The following USP12 variants were observed in gnomAD, a reference collection of about 807,000 sequenced individuals.
The protein encoded by USP12 is ubiquitin carboxyl-terminal hydrolase 12.
A neutral mutation model predicts 45.5 loss-of-function variants in USP12; 19 were observed. The ratio of observed to expected loss-of-function variants is 0.42; its 90% CI spans 0.29 to 0.61. The LOEUF is 0.61. USP12 is among the 20% of genes least tolerant of loss of function. The pLI is 0.22. For missense variants in USP12, 242 were observed against 447.7 expected (o/e 0.54, Z 4.15); for synonymous variants, 149 against 148.8 (o/e 1.00, Z -0.01).
intron 7 of USP12, among the ~76,000 whole-genome samples, chr13:27,072,458 GA>G (rs1873289851): frequency 6.6e-6 from 1 of 152,258 alleles, no homozygotes; most frequent in East Asian, 1.9e-4. Flanking sequence ...TCCACCTAAG[GA>G]AGTTGTTTCT....
At chr13:27,074,553 G>A (rs1167558868) in intron 7 of USP12, among the ~76,000 whole-genome samples, 1 of 152,164 alleles carries the variant, frequency 6.6e-6, no homozygotes, top group Non-Finnish European at 1.5e-5. Flanking sequence ...AATTATTAAA[G>A]GAAATTCTAA....
At chr13:27,149,172 T>C (rs1388245802) in intron 1 of USP12, among the ~76,000 whole-genome samples, 1 of 152,096 alleles carries the variant, frequency 6.6e-6, no homozygotes, top group Non-Finnish European at 1.5e-5. Context: ...AACAGAGCAA[T>C]ACCCTGTCTT....
intron 1 of USP12, among the ~76,000 whole-genome samples, chr13:27,124,010 AAAGT>A (rs747396295): frequency 2.0e-5 from 3 of 152,214 alleles, no homozygotes; most frequent in African/African-American, 4.8e-5. Context: ...TGATAATATA[AAAGT>A]AACTATATAT....
At chr13:27,125,961 A>G (rs1342698760) in intron 1 of USP12, among the ~76,000 whole-genome samples, 1 of 152,254 alleles carries the variant, frequency 6.6e-6, no homozygotes, top group Non-Finnish European at 1.5e-5. Flanking sequence ...AGCATAAAGC[A>G]GCAGGGAAGC....
intron 2 of USP12, among the ~76,000 whole-genome samples, chr13:27,109,089 C>T (rs898686214): frequency 6.6e-6 from 1 of 152,034 alleles, no homozygotes; most frequent in African/African-American, 2.4e-5. Context: ...TTATAAGAAC[C>T]ATATTTCAGG....
intron 6 of USP12, among the ~76,000 whole-genome samples, chr13:27,088,241 C>T (rs1156629808): frequency 6.6e-6 from 1 of 152,016 alleles, no homozygotes; most frequent in Non-Finnish European, 1.5e-5. Flanking sequence ...ACAGTGAAAC[C>T]CCGTCTCTAC....
Position 27,116,555 on chromosome 13 carries a change from T to C in USP12, c.90A>G (p.Glu30=). The C allele has an allele frequency of 6.2e-7, 1 of 1,613,212 alleles. No individual in the cohort carries two copies. Among genetic ancestry groups the C allele is most frequent in the East Asian group, 2.2e-5 (1 of 44,874 alleles). Residue 30 remains glutamate, a synonymous_variant, in exon 2 of 9, where the codon GAA becomes GAG. Coordinates refer to ENST00000282344, the MANE Select transcript of USP12 (RefSeq NM_182488.4). ...AATAGTGCTCATTGACCGGAAACTGTTCTGGACCAATCTCTTTCTCTAATG... is the reference window on the plus strand; with the variant it reads ...AATAGTGCTCATTGACCGGAAACTGCTCTGGACCAATCTCTTTCTCTAATG... The part of the protein sequence containing the change: ...ASALEKEIGP[E]QFPVNEHYFG...
At chr13:27,121,942 T>C (rs1876011772) in intron 1 of USP12, among the ~76,000 whole-genome samples, 1 of 152,084 alleles carries the variant, frequency 6.6e-6, no homozygotes, top group South Asian at 2.1e-4. Context: ...TGGCAATGAA[T>C]TGATTATAAG....
At chr13:27,114,042 G>A (rs1875593508) in intron 2 of USP12, among the ~76,000 whole-genome samples, 2 of 152,088 alleles carry the variant, frequency 1.3e-5, no homozygotes, top group Admixed American at 6.5e-5. Flanking sequence ...ATTCTGAAGG[G>A]AAAGCACATT....
At chr13:27,087,134 AGTGT>A (rs977370727) in intron 6 of USP12, among the ~76,000 whole-genome samples, 24 of 147,854 alleles carry the variant, frequency 1.6e-4, no homozygotes, top group African/African-American at 3.7e-4. Flanking sequence ...CGTGTGTGAG[AGTGT>A]GTGTGTGTTT....
At chr13:27,131,203 A>T (rs1022940199) in intron 1 of USP12, among the ~76,000 whole-genome samples, 1 of 152,232 alleles carries the variant, frequency 6.6e-6, no homozygotes, top group African/African-American at 2.4e-5. Flanking sequence ...AAAGGTAAGA[A>T]CTGGTAAGAG....
chr13:27,097,481 A>G (rs1471569414), intron 3 of USP12, among the ~76,000 whole-genome samples: 1 of 152,212 alleles, frequency 6.6e-6, no homozygotes, highest in Admixed American at 6.5e-5. Context: ...CAACAACAAC[A>G]AAACAGAATA....
intron 1 of USP12, among the ~76,000 whole-genome samples, chr13:27,148,214 A>G (rs749963590): frequency 1.1e-4 from 17 of 152,168 alleles, no homozygotes; most frequent in Non-Finnish European, 2.2e-4. Flanking sequence ...ATACTAAAGA[A>G]AGTTGTTCAG....
At chr13:27,076,541 AT>A (rs984461431) in intron 6 of USP12, among the ~76,000 whole-genome samples, 1 of 152,168 alleles carries the variant, frequency 6.6e-6, no homozygotes, top group African/African-American at 2.4e-5. Context: ...ATTTTAGGTG[AT>A]TATGGTTCTT....
intron 1 of USP12, among the ~76,000 whole-genome samples, chr13:27,165,370 T>C (rs1878305082): frequency 6.6e-6 from 1 of 152,198 alleles, no homozygotes; most frequent in Admixed American, 6.5e-5. Context: ...ACGTTTCTTA[T>C]AATGAAAAGG....
intron 1 of USP12, among the ~76,000 whole-genome samples, chr13:27,147,509 A>G (rs1407588223): frequency 6.6e-6 from 1 of 152,258 alleles, no homozygotes; most frequent in Non-Finnish European, 1.5e-5. Context: ...ATAGGCATTT[A>G]GCATAAACTA....
At chr13:27,074,345 A>G (rs1873381164) in intron 7 of USP12, among the ~76,000 whole-genome samples, 1 of 151,992 alleles carries the variant, frequency 6.6e-6, no homozygotes, top group South Asian at 2.1e-4. Flanking sequence ...GCTTGCACTG[A>G]GCCGAGATGG....
intron 1 of USP12, among the ~76,000 whole-genome samples, chr13:27,139,742 C>T (rs1224908841): frequency 6.6e-6 from 1 of 152,176 alleles, no homozygotes. Flanking sequence ...GGTGAAGTCA[C>T]ATACAAGTGC....
At chr13:27,141,625 T>C (rs7331742) in intron 1 of USP12, among the ~76,000 whole-genome samples, 3,272 of 152,176 alleles carry the variant, frequency 0.022, 121 homozygotes, top group African/African-American at 0.075. Flanking sequence ...AAATCAATAA[T>C]AATAATGAGT....
Sources: allele counts gnomAD v4.1 joint callset (sites outside exome capture counted in the v4.1 genomes callset), GRCh38; gene constraint gnomAD v4.1.1; transcripts MANE v1.5; gene names NCBI Gene and HGNC (gene_info 2026-07-23, HGNC 2026-07-21).